AGBL4: variants seen among roughly 807,000 people sequenced by gnomAD.
The protein encoded by AGBL4 is cytosolic carboxypeptidase 6.
A neutral mutation model predicts 66.4 loss-of-function variants in AGBL4; 58 were observed. That is an observed-to-expected ratio of 0.87 (90% CI 0.71 to 1.09). The LOEUF (loss-of-function observed/expected upper bound fraction) is 1.09, where lower values mean the gene tolerates loss of function less well. Ranked by LOEUF, AGBL4 falls within the 50% of genes least tolerant of loss-of-function variation. The pLI is 0.00. For synonymous variants in AGBL4, 234 were observed against 222.9 expected (o/e 1.05, Z -0.44); for missense variants, 579 against 631.0 (o/e 0.92, Z 0.88).
chr1:48,808,711 C>T (rs1645985093), intron 6 of AGBL4, among the ~76,000 whole-genome samples: 1 of 152,140 alleles, frequency 6.6e-6, no homozygotes, highest in African/African-American at 2.4e-5. Flanking sequence ...AACAGGCTCC[C>T]AAGAGAGGCC....
chr1:49,777,359 T>C (rs1465640220), intron 2 of AGBL4, among the ~76,000 whole-genome samples: 1 of 152,178 alleles, frequency 6.6e-6, no homozygotes, highest in Non-Finnish European at 1.5e-5. Flanking sequence ...GAATCAAAAT[T>C]GATTCATGTT....
At chr1:48,726,369 C>T (rs1350691819) in intron 6 of AGBL4, among the ~76,000 whole-genome samples, 1 of 152,116 alleles carries the variant, frequency 6.6e-6, no homozygotes, top group African/African-American at 2.4e-5. Flanking sequence ...CAGCATCTCA[C>T]GCAATCCACA....
At chr1:48,615,262 T>C (rs909767696) in intron 9 of AGBL4, among the ~76,000 whole-genome samples, 1 of 152,182 alleles carries the variant, frequency 6.6e-6, no homozygotes, top group Non-Finnish European at 1.5e-5. Context: ...TGGGAAGTCT[T>C]ACCCCTGTAT....
chr1:49,409,725 T>A (rs1645279034), intron 3 of AGBL4, among the ~76,000 whole-genome samples: 1 of 152,224 alleles, frequency 6.6e-6, no homozygotes, highest in Non-Finnish European at 1.5e-5. Flanking sequence ...TCAAAGGATT[T>A]ATTTTTAAAA....
intron 1 of AGBL4, among the ~76,000 whole-genome samples, chr1:49,948,404 T>TATAAATATAGATAAATATAG (rs1424724389): frequency 9.3e-6 from 1 of 107,730 alleles, no homozygotes; most frequent in Non-Finnish European, 1.8e-5. Context: ...TATAAATATA[T>TATAAATATAGATAAATATAG]ATAAATATAG....
At chr1:48,572,857 G>A (rs1644589556) in intron 11 of AGBL4, among the ~76,000 whole-genome samples, 1 of 152,184 alleles carries the variant, frequency 6.6e-6, no homozygotes, top group Admixed American at 6.5e-5. Flanking sequence ...TTCAACCTCA[G>A]GCAACTGCAA....
chr1:49,427,430 A>G (rs1570690237), intron 3 of AGBL4, among the ~76,000 whole-genome samples: 1 of 150,086 alleles, frequency 6.7e-6, no homozygotes, highest in East Asian at 2.0e-4. Flanking sequence ...TAATGTAGAG[A>G]ATGAAAACAA....
chr1:48,646,571 C>T (rs1645840617), intron 8 of AGBL4, among the ~76,000 whole-genome samples: 1 of 132,296 alleles, frequency 7.6e-6, no homozygotes, highest in South Asian at 2.6e-4. Flanking sequence ...GCTGGAAATA[C>T]CTTCCCTGGT....
chr1:49,284,815 A>G (rs981405798), intron 3 of AGBL4, among the ~76,000 whole-genome samples: 7 of 151,144 alleles, frequency 4.6e-5, no homozygotes, highest in African/African-American at 1.7e-4. Context: ...TTCAACAAGA[A>G]GAGCTAACTA....
chr1:48,598,922 A>G (rs1056107074), intron 9 of AGBL4, among the ~76,000 whole-genome samples: 1 of 152,290 alleles, frequency 6.6e-6, no homozygotes, highest in East Asian at 1.9e-4. Context: ...CACATTATAC[A>G]GCTGCACAAA....
At chr1:49,549,060 A>G (rs1005943007) in intron 3 of AGBL4, among the ~76,000 whole-genome samples, 7 of 151,142 alleles carry the variant, frequency 4.6e-5, no homozygotes, top group Non-Finnish European at 7.4e-5. Flanking sequence ...TTATGCGCAT[A>G]AACTAGGTTT....
chr1:48,658,675 G>A (rs933807933), intron 7 of AGBL4, among the ~76,000 whole-genome samples: 2 of 149,210 alleles, frequency 1.3e-5, no homozygotes, highest in South Asian at 2.2e-4. Flanking sequence ...ACCTATAGTG[G>A]GAAGCTGTTT....
At chr1:48,996,817 CCCTTCCTTCCTTCCTTCCTTCCTT>C (rs58530293) in intron 5 of AGBL4, among the ~76,000 whole-genome samples, 1 of 147,756 alleles carries the variant, frequency 6.8e-6, no homozygotes, top group Admixed American at 6.8e-5. Flanking sequence ...CTTCCTTCCT[CCCTTCCTTCCTTCCTTCCTTCCTT>C]CCTTCCTTCC....
At chr1:48,617,181 C>A (rs1362673077) in intron 9 of AGBL4, among the ~76,000 whole-genome samples, 1 of 152,184 alleles carries the variant, frequency 6.6e-6, no homozygotes, top group Non-Finnish European at 1.5e-5. Context: ...GAGAATTCAT[C>A]TTTTTATGAC....
At chr1:48,543,423 CATCCATCT>C (rs1173421941) in intron 11 of AGBL4, among the ~76,000 whole-genome samples, 167 of 128,676 alleles carry the variant, frequency 1.3e-3, no homozygotes, top group South Asian at 0.012. Context: ...TCCATCCATC[CATCCATCT>C]ACCCGTCCAT....
intron 5 of AGBL4, among the ~76,000 whole-genome samples, chr1:49,035,361 A>G (rs1200506353): frequency 6.6e-6 from 1 of 152,130 alleles, no homozygotes; most frequent in East Asian, 1.9e-4. Flanking sequence ...AGAGAATGAA[A>G]GTTTATTAAA....
chr1:49,895,955 A>C (rs1365994574), intron 1 of AGBL4, among the ~76,000 whole-genome samples: 3 of 151,764 alleles, frequency 2.0e-5, no homozygotes, highest in Non-Finnish European at 4.4e-5. Context: ...AAAAAAAAAA[A>C]AACGAGATCC....
At chr1:49,830,794 A>T (rs1645651037) in intron 2 of AGBL4, among the ~76,000 whole-genome samples, 1 of 152,142 alleles carries the variant, frequency 6.6e-6, no homozygotes, top group East Asian at 1.9e-4. Context: ...ATAAGGTGTA[A>T]GGAAGGGGTC....
intron 2 of AGBL4, among the ~76,000 whole-genome samples, chr1:49,763,224 C>T (rs1441670339): frequency 6.6e-6 from 1 of 152,100 alleles, no homozygotes; most frequent in African/African-American, 2.4e-5. Flanking sequence ...GCTTCTGTTC[C>T]ACTGGTTGAT....
Sources: allele counts gnomAD v4.1 joint callset (sites outside exome capture counted in the v4.1 genomes callset), GRCh38; gene constraint gnomAD v4.1.1; transcripts MANE v1.5; gene names NCBI Gene and HGNC (gene_info 2026-07-23, HGNC 2026-07-21).